The following ADGRG6 variants were observed in gnomAD, a reference collection of about 807,000 sequenced individuals.
The protein encoded by ADGRG6 is G-protein coupled receptor 126.
A neutral mutation model predicts 142.4 loss-of-function variants in ADGRG6; 84 were observed. That is an observed-to-expected ratio of 0.59 (90% CI 0.49 to 0.71). The LOEUF is 0.71. ADGRG6 is among the 30% of genes least tolerant of loss of function. The pLI, the probability that ADGRG6 is intolerant of heterozygous loss-of-function variation, is 0.00. For missense variants in ADGRG6, 1,367 were observed against 1,466.6 expected (o/e 0.93, Z 1.11); for synonymous variants, 521 against 520.5 (o/e 1.00, Z -0.01).
chr6:142,397,268 GA>G (rs1339727368), intron 9 of ADGRG6, among the ~76,000 whole-genome samples: 3 of 151,890 alleles, frequency 2.0e-5, no homozygotes, highest in Non-Finnish European at 4.4e-5. Context: ...GGGCCACAAA[GA>G]AAAAATGTAG....
chr6:142,425,133 T>C (rs1310571057), intron 22 of ADGRG6, among the ~76,000 whole-genome samples: 2 of 152,216 alleles, frequency 1.3e-5, no homozygotes, highest in Admixed American at 6.5e-5. Flanking sequence ...CAGAAGGCTC[T>C]GTATTTCAAT....
chr6:142,327,268 T>G (rs937003234), intron 2 of ADGRG6, among the ~76,000 whole-genome samples: 1 of 145,068 alleles, frequency 6.9e-6, no homozygotes, highest in South Asian at 2.2e-4. Flanking sequence ...AGGAATTCAT[T>G]AAAAAAAAAA....
chr6:142,344,876 G>A (rs913230703), intron 2 of ADGRG6, among the ~76,000 whole-genome samples: 1 of 151,902 alleles, frequency 6.6e-6, no homozygotes, highest in Non-Finnish European at 1.5e-5. Context: ...GATGACTACA[G>A]GGATATTTGA....
chr6:142,328,352 A>G (rs531686394), intron 2 of ADGRG6, among the ~76,000 whole-genome samples: 2 of 152,074 alleles, frequency 1.3e-5, no homozygotes, highest in African/African-American at 2.4e-5. Context: ...ATAGGCACAC[A>G]TCTCCATGCC....
intron 4 of ADGRG6, among the ~76,000 whole-genome samples, chr6:142,378,079 G>A (rs547673652): frequency 6.6e-6 from 1 of 152,280 alleles, no homozygotes; most frequent in African/African-American, 2.4e-5. Context: ...TCCCATAAAA[G>A]AATGCTACAT....
chr6:142,383,666 C>T (rs1781881591), intron 5 of ADGRG6, 94 bp from the exon 6 acceptor site: 1 of 685,508 alleles, frequency 1.5e-6, no homozygotes. Context: ...CATTCTTCCC[C>T]TATATATTTT....
intron 2 of ADGRG6, among the ~76,000 whole-genome samples, chr6:142,359,154 C>T (rs114394887): frequency 0.048 from 7,060 of 148,128 alleles, 380 homozygotes; most frequent in African/African-American, 0.14. Context: ...CTTCAGTGAG[C>T]CATGATTGTA....
rs1777531970 is a variant in ADGRG6 at position 142,437,367 on chromosome 6, AT to A, written c.3320-63del. On this transcript the variant is annotated intron_variant, in intron 22 of 24. Coordinates refer to ENST00000367609, the MANE Select transcript of ADGRG6 (RefSeq NM_198569.3). ...ATTTAAAATTAAAATGAATCCATGT[AT>A]TTTATAAGATTTCTCTTTAAAGATG... 1.3e-5 allele frequency: 10 copies of A among 747,818 alleles called. No individual in the cohort carries two copies. In the South Asian group the frequency reaches 1.6e-4, roughly 12 times the overall value. The allele number at this position is 747,818 out of a possible 1,614,324, so 46.3% of individuals were successfully genotyped here.
intron 2 of ADGRG6, among the ~76,000 whole-genome samples, chr6:142,366,207 TC>T (rs1021645412): frequency 1.3e-5 from 2 of 152,206 alleles, no homozygotes; most frequent in Non-Finnish European, 2.9e-5. Context: ...TAATAGCATT[TC>T]CCCTGTCTAC....
chr6:142,428,714 T>C (rs1285558166), intron 22 of ADGRG6, among the ~76,000 whole-genome samples: 1 of 152,092 alleles, frequency 6.6e-6, no homozygotes, highest in African/African-American at 2.4e-5. Context: ...ACTCACTCAC[T>C]ATCACAAGAA....
intron 1 of ADGRG6, among the ~76,000 whole-genome samples, chr6:142,303,996 T>C (rs1777357351): frequency 6.6e-6 from 1 of 152,162 alleles, no homozygotes; most frequent in Non-Finnish European, 1.5e-5. Context: ...TGAGCTATTT[T>C]GACTGAAAGT....
rs9496345 is a variant in ADGRG6, at chr6:142,347,886, C to T, written c.104-19683C>T. ...TATTTGAATAAAGTAGCTAAATATT[C>T]TTTTGATTTCTATGTTGGTTATTTT... On this transcript the variant is annotated intron_variant, in intron 2 of 24. Coordinates refer to ENST00000367609, the MANE Select transcript of ADGRG6 (RefSeq NM_198569.3). Among the ~76,000 whole-genome samples the T allele has an allele frequency of 4.8e-3, 733 of 152,178 alleles. 9 individuals are homozygous for T. Among genetic ancestry groups the T allele is most frequent in the African/African-American group, 0.017 (695 of 41,518 alleles).
intron 6 of ADGRG6, among the ~76,000 whole-genome samples, chr6:142,388,167 A>G (rs1457171959): frequency 6.6e-6 from 1 of 152,044 alleles, no homozygotes; most frequent in Non-Finnish European, 1.5e-5. Flanking sequence ...ATATTTTTTT[A>G]TGTTGCTTTG....
chr6:142,429,986 G>T (rs1771856497), intron 22 of ADGRG6, among the ~76,000 whole-genome samples: 1 of 152,166 alleles, frequency 6.6e-6, no homozygotes, highest in Non-Finnish European at 1.5e-5. Context: ...AGAAGTTCAA[G>T]GTTACAGTGA....
chr6:142,318,458 A>G (rs1035013393), intron 2 of ADGRG6, among the ~76,000 whole-genome samples: 1 of 134,570 alleles, frequency 7.4e-6, no homozygotes, highest in African/African-American at 2.8e-5. Context: ...GCTCATTTCA[A>G]AGTCCTAATT....
chr6:142,393,834 T>A, intron 8 of ADGRG6, 62 bp from the exon 9 acceptor site: 1 of 1,037,978 alleles, frequency 9.6e-7, no homozygotes. Context: ...GGTCCCCAAA[T>A]TTTATTGTTG....
intron 18 of ADGRG6, among the ~76,000 whole-genome samples, chr6:142,412,156 C>G (rs775245262): frequency 7.2e-5 from 11 of 152,200 alleles, no homozygotes; most frequent in South Asian, 2.1e-4. Flanking sequence ...CTTCTTTGAA[C>G]TCATCCATAG....
rs933746560 is a variant in ADGRG6 at position 142,402,167 on chromosome 6, A to G, written c.1744+109A>G. ...TCTTCTGCTCTGTGATACTGTTTTC[A>G]TATTAAAAGGCAAATGATTGTTTCA... On this transcript the variant is annotated intron_variant, in intron 12 of 24. Coordinates refer to ENST00000367609, the MANE Select transcript of ADGRG6 (RefSeq NM_198569.3). The G allele has an allele frequency of 4.2e-5, 24 of 577,298 alleles. No homozygotes were observed. The East Asian group carries it at 6.3e-4, about 15-fold the overall frequency. The allele number at this position is 577,298 out of a possible 1,614,324, so 35.8% of individuals were successfully genotyped here.
intron 1 of ADGRG6, among the ~76,000 whole-genome samples, chr6:142,308,408 T>G (rs1777606159): frequency 6.6e-6 from 1 of 151,970 alleles, no homozygotes; most frequent in Non-Finnish European, 1.5e-5. Flanking sequence ...AAAAATGCAG[T>G]CTTGAGGCAA....
Sources: allele counts gnomAD v4.1 joint callset (sites outside exome capture counted in the v4.1 genomes callset), GRCh38; gene constraint gnomAD v4.1.1; transcripts MANE v1.5; gene names NCBI Gene and HGNC (gene_info 2026-07-23, HGNC 2026-07-21).